ZNF680: variants seen among roughly 807,000 people sequenced by gnomAD.
The protein encoded by ZNF680 is zinc finger protein 680, also known as hypothetical protein FLJ90430.
In ZNF680, 6 loss-of-function variants were observed where a neutral mutation model predicts 12.1. The observed-to-expected ratio is 0.49, with a 90% CI of 0.27 to 0.98. The LOEUF (loss-of-function observed/expected upper bound fraction) is 0.98. ZNF680 is among the 50% of genes least tolerant of loss of function. ZNF680 has a pLI of 0.12. For synonymous variants in ZNF680, 170 were observed against 199.3 expected, an observed-to-expected ratio of 0.85 and a Z score of 1.24; for missense variants, 561 against 616.3, an observed-to-expected ratio of 0.91 and a Z score of 0.95.
the ZNF680 span, among the ~76,000 whole-genome samples, chr7:64,500,666 T>C: frequency 6.6e-6 from 1 of 152,148 alleles, no homozygotes; most frequent in Non-Finnish European, 1.5e-5. Flanking sequence ...ATGGGGCTGA[T>C]TTTGTGAAGA....
the ZNF680 span, among the ~76,000 whole-genome samples, chr7:64,500,102 G>GC: frequency 2.6e-5 from 4 of 151,874 alleles, no homozygotes; most frequent in African/African-American, 9.7e-5. Context: ...TCGGCCAGCT[G>GC]CCCCCCTAGG....
intron 1 of ZNF680, among the ~76,000 whole-genome samples, chr7:64,561,590 G>C: frequency 6.6e-6 from 1 of 152,084 alleles, no homozygotes; most frequent in South Asian, 2.1e-4. Context: ...CTTTTAAAAA[G>C]TACCATCCAA....
At chr7:64,499,592 C>T in the ZNF680 span, among the ~76,000 whole-genome samples, 1 of 152,096 alleles carries the variant, frequency 6.6e-6, no homozygotes, top group East Asian at 1.9e-4. Context: ...CCCATCTCTA[C>T]CAAAAACACA....
chr7:64,528,373 C>T (rs1292103483), intron 3 of ZNF680, among the ~76,000 whole-genome samples: 1 of 152,174 alleles, frequency 6.6e-6, no homozygotes, highest in Non-Finnish European at 1.5e-5. Context: ...GGTCACAGGG[C>T]CGGGGAAGAA....
the ZNF680 span, among the ~76,000 whole-genome samples, chr7:64,507,873 A>G: frequency 9.0e-6 from 1 of 110,704 alleles, no homozygotes; most frequent in Non-Finnish European, 1.8e-5. Flanking sequence ...ACACACACAC[A>G]CACACATTTT....
At chr7:64,500,212 G>C in the ZNF680 span, among the ~76,000 whole-genome samples, 2 of 151,704 alleles carry the variant, frequency 1.3e-5, no homozygotes, top group Non-Finnish European at 2.9e-5. Flanking sequence ...ATTTCCCCTG[G>C]GAACACAGCT....
chr7:64,503,027 T>A, the ZNF680 span, among the ~76,000 whole-genome samples: 5 of 152,182 alleles, frequency 3.3e-5, no homozygotes, highest in African/African-American at 1.2e-4. Context: ...AGTGTGCCTG[T>A]ATGACTCTTC....
the ZNF680 span, among the ~76,000 whole-genome samples, chr7:64,504,327 T>G: frequency 6.6e-6 from 1 of 152,256 alleles, no homozygotes; most frequent in East Asian, 1.9e-4. Flanking sequence ...GAAGAGCACT[T>G]GTTTGGGTGG....
At position 64,550,188 on chromosome 7, in the gene ZNF680, T is replaced by C. The variant is rs771882026; in HGVS notation, c.31-5756A>G. 2.6e-5 allele frequency among the ~76,000 whole-genome samples: 4 copies of C among 152,222 alleles called. 1 individual carries two copies. The South Asian group carries it at 8.3e-4, about 31-fold the overall frequency. On this transcript the variant is annotated intron_variant, in intron 1 of 3. Transcript: ENST00000309683. The stretch of plus-strand genomic sequence containing the variant: ...GATACAAAGTTGTTAGAAATTCTTA[T>C]TTATTTACAAAAATAAAATCGATTA...
At chr7:64,557,389 T>C (rs1398093535) in intron 1 of ZNF680, among the ~76,000 whole-genome samples, 2 of 148,580 alleles carry the variant, frequency 1.3e-5, no homozygotes, top group Non-Finnish European at 3.0e-5. Context: ...ACCCCGTCTC[T>C]ACTAAAAATA....
chr7:64,540,142 G>A lies in ZNF680; in HGVS notation c.253+3565C>T, dbSNP rs890366247. ...ATTAAACACATGGTGAAAAGAAGGC[G>A]ATTTCCATGACTACTCATTTAGATA... On this transcript the variant is annotated intron_variant, in intron 3 of 3. Transcript: ENST00000309683. Among the ~76,000 whole-genome samples, 9 of 152,024 alleles carry A rather than the reference G, an allele frequency of 5.9e-5. No individual in the cohort carries two copies. The East Asian group carries it at 1.5e-3, about 26-fold the overall frequency.
intron 3 of ZNF680, among the ~76,000 whole-genome samples, chr7:64,538,994 G>A (rs1016106644): frequency 6.6e-6 from 1 of 151,820 alleles, no homozygotes; most frequent in Non-Finnish European, 1.5e-5. Flanking sequence ...AGCCAGGTGT[G>A]GTGGTGGGTG....
At chr7:64,543,563 G>A (rs747987413) in intron 3 of ZNF680, 144 bp downstream of exon 3, 4 of 638,146 alleles carry the variant, frequency 6.3e-6, no homozygotes, top group South Asian at 2.0e-5. Context: ...CTATGTGAGA[G>A]CAAGAGAAAA....
intron 3 of ZNF680, chr7:64,525,012 T>C (rs1791759455): frequency 6.6e-6 from 1 of 152,114 alleles, no homozygotes; most frequent in Admixed American, 6.6e-5. Flanking sequence ...TTGTTCAAAT[T>C]TCTCATGCAT....
rs912139397 is a variant in ZNF680, at chr7:64,526,291, T to C, written c.254-3791A>G. The C allele has an allele frequency of 3.5e-6, 4 of 1,159,166 alleles. No individual in the cohort carries two copies. In the Admixed American group the frequency reaches 1.9e-4, roughly 55 times the overall value. 71.8% of individuals were successfully genotyped at this position (1,159,166 alleles called of 1,614,324 possible). On this transcript the variant is annotated intron_variant, in intron 3 of 3. Transcript: ENST00000309683. ...TAATAAAATTCCTAACCAAGAATAC[T>C]TGATTCAAGATTAGTGTACTTTAAA...
intron 3 of ZNF680, among the ~76,000 whole-genome samples, chr7:64,538,456 T>C (rs960108100): frequency 1.3e-5 from 2 of 149,664 alleles, no homozygotes; most frequent in Admixed American, 1.3e-4. Flanking sequence ...GGACAAATAA[T>C]TGAACTAAAT....
intron 1 of ZNF680, among the ~76,000 whole-genome samples, chr7:64,557,129 T>C (rs1021995837): frequency 2.0e-5 from 3 of 151,598 alleles, no homozygotes; most frequent in African/African-American, 7.3e-5. Context: ...CAGTCACCTG[T>C]AGTCCCAGCT....
chr7:64,515,872 C>G (rs1228292092), downstream of ZNF680, among the ~76,000 whole-genome samples: 1 of 152,072 alleles, frequency 6.6e-6, no homozygotes, highest in Non-Finnish European at 1.5e-5. Flanking sequence ...CATTTCAGAC[C>G]CTAATTGGTC....
At chr7:64,518,600 A>C (rs1436856268), downstream of ZNF680, among the ~76,000 whole-genome samples, 1 of 151,796 alleles carries the variant, frequency 6.6e-6, no homozygotes, top group East Asian at 1.9e-4. Context: ...TTATACTATA[A>C]AGCCATAGTC....
Sources: gnomAD v4.1 joint callset for allele counts (sites outside exome capture counted in the v4.1 genomes callset) on GRCh38, gnomAD v4.1.1 for gene constraint, MANE v1.5 for transcripts, NCBI Gene and HGNC (gene_info 2026-07-23, HGNC 2026-07-21) for gene names.